The following RBFOX3 variants were observed in gnomAD, a reference collection of about 807,000 sequenced individuals.
RBFOX3 encodes the protein RNA binding protein fox-1 homolog 3.
Under a neutral mutation model 48.7 loss-of-function variants are expected in RBFOX3, and 17 were observed. That is an observed-to-expected ratio of 0.35 (90% CI 0.24 to 0.52). The LOEUF (loss-of-function observed/expected upper bound fraction) is 0.52, where lower values mean the gene tolerates loss of function less well. Ranked by LOEUF, RBFOX3 falls within the 20% of genes least tolerant of loss-of-function variation. RBFOX3 has a pLI of 0.94. For missense variants in RBFOX3, 382 were observed against 497.5 expected (o/e 0.77, Z 2.21); for synonymous variants, 212 against 209.5 (o/e 1.01, Z -0.10).
chr17:79,287,039 C>T (rs547902405), intron 3 of RBFOX3, among the ~76,000 whole-genome samples: 19 of 152,376 alleles, frequency 1.2e-4, no homozygotes, highest in African/African-American at 4.6e-4. Context: ...TCACAGCGGC[C>T]CTGACGCAGC....
intron 2 of RBFOX3, among the ~76,000 whole-genome samples, chr17:79,379,884 A>T (rs2059675046): frequency 6.6e-6 from 1 of 152,068 alleles, no homozygotes; most frequent in Admixed American, 6.5e-5. Flanking sequence ...AGCGGCTCTC[A>T]GGCCCGCACG....
chr17:79,223,807 C>A (rs111242762), intron 4 of RBFOX3, among the ~76,000 whole-genome samples: 3 of 152,314 alleles, frequency 2.0e-5, no homozygotes, highest in Admixed American at 6.5e-5. Flanking sequence ...GTGCGCCCCC[C>A]CTACAGCACA....
chr17:79,094,043 G>A (rs1469144862), intron 14 of RBFOX3, among the ~76,000 whole-genome samples: 2 of 151,988 alleles, frequency 1.3e-5, no homozygotes, highest in Non-Finnish European at 2.9e-5. Flanking sequence ...GTGGGTATGC[G>A]GTGTGGGCAG....
chr17:79,253,295 G>T (rs568277249), intron 3 of RBFOX3, among the ~76,000 whole-genome samples: 9 of 152,042 alleles, frequency 5.9e-5, no homozygotes, highest in Non-Finnish European at 1.2e-4. Context: ...GGGAGGACTC[G>T]AATTAATTTA....
chr17:79,158,815 C>A (rs2046355429), intron 4 of RBFOX3, among the ~76,000 whole-genome samples: 1 of 152,186 alleles, frequency 6.6e-6, no homozygotes, highest in African/African-American at 2.4e-5. Flanking sequence ...TGGAAAGGGA[C>A]CTGGCTCAGC....
intron 2 of RBFOX3, among the ~76,000 whole-genome samples, chr17:79,428,432 C>T (rs1303772581): frequency 6.6e-6 from 1 of 152,246 alleles, no homozygotes; most frequent in African/African-American, 2.4e-5. Context: ...CAGGGCAGAG[C>T]CAGCTCCACT....
rs1405735063 is a variant in RBFOX3, at chr17:79,199,959, A to G, written c.-34+35807T>C. 1.3e-5 allele frequency among the ~76,000 whole-genome samples: 2 copies of G among 152,098 alleles called. No individual in the cohort carries two copies. Among genetic ancestry groups the G allele is most frequent in the Non-Finnish European group, 2.9e-5 (2 of 68,000 alleles). Reference sequence around the variant, plus strand: ...GTGGATCACCTGAAGTCAGGAGTTCAAGACCAGCCTGGCCAACATGGTGAA... The same window carrying G: ...GTGGATCACCTGAAGTCAGGAGTTCGAGACCAGCCTGGCCAACATGGTGAA... On this transcript the variant is annotated intron_variant, in intron 4 of 14. Transcript: ENST00000693108. This position sits in a 1 kb window ranked among gnomAD's most constrained non-coding sequence, Gnocchi z 5.1.
intron 1 of RBFOX3, among the ~76,000 whole-genome samples, chr17:79,551,919 T>C (rs36184200): frequency 6.6e-6 from 1 of 152,144 alleles, no homozygotes; most frequent in African/African-American, 2.4e-5. Flanking sequence ...CGAGTATTCC[T>C]TTAGAGCAAT....
At chr17:79,608,481 G>T (rs1472381858) in intron 1 of RBFOX3, among the ~76,000 whole-genome samples, 1 of 152,148 alleles carries the variant, frequency 6.6e-6, no homozygotes, top group Non-Finnish European at 1.5e-5. Context: ...TCTTTGGGGG[G>T]AGGAGGGTGG....
At chr17:79,514,125 CAG>C (rs1418074233) in intron 1 of RBFOX3, among the ~76,000 whole-genome samples, 7 of 152,144 alleles carry the variant, frequency 4.6e-5, no homozygotes, top group Non-Finnish European at 1.0e-4. Flanking sequence ...TTGCCTATGA[CAG>C]CCTCCTACCA....
intron 2 of RBFOX3, among the ~76,000 whole-genome samples, chr17:79,395,871 AGG>A (rs1423257773): frequency 6.6e-6 from 1 of 152,200 alleles, no homozygotes; most frequent in Non-Finnish European, 1.5e-5. Context: ...ATCCTGCAGA[AGG>A]GGTAGACCCT....
chr17:79,122,243 T>C (rs1042446676), intron 4 of RBFOX3, among the ~76,000 whole-genome samples: 2 of 152,154 alleles, frequency 1.3e-5, no homozygotes, highest in African/African-American at 4.8e-5. Flanking sequence ...ATCTCCTGTC[T>C]GGTCCTCCTA....
intron 3 of RBFOX3, among the ~76,000 whole-genome samples, chr17:79,301,905 C>T (rs892798720): frequency 7.2e-5 from 11 of 152,128 alleles, no homozygotes; most frequent in African/African-American, 1.7e-4. Context: ...TAGAGTCATC[C>T]GATTCACAGA....
At chr17:79,526,009 C>T (rs2086748034) in intron 1 of RBFOX3, among the ~76,000 whole-genome samples, 1 of 152,216 alleles carries the variant, frequency 6.6e-6, no homozygotes, top group South Asian at 2.1e-4. Context: ...GGTTTGCCTC[C>T]AGGCTGCTTC....
chr17:79,131,493 C>T (rs1180987565), intron 4 of RBFOX3, among the ~76,000 whole-genome samples: 1 of 152,244 alleles, frequency 6.6e-6, no homozygotes, highest in Non-Finnish European at 1.5e-5. Flanking sequence ...CCGCAGGAGC[C>T]TCAGGCCTTC....
At chr17:79,257,544 C>T (rs1347560710) in intron 3 of RBFOX3, among the ~76,000 whole-genome samples, 1 of 152,184 alleles carries the variant, frequency 6.6e-6, no homozygotes, top group African/African-American at 2.4e-5. Flanking sequence ...CCCATGGGGC[C>T]AGGAAAAGAC....
rs1050231480 is a variant in RBFOX3, at chr17:79,098,099, C to G, written c.569-354G>C. On this transcript the variant is annotated intron_variant, in intron 9 of 14. Coordinates refer to ENST00000693108, the MANE Select transcript of RBFOX3 (RefSeq NM_001350451.2). ...GGAAAGTGGAACTTGTTATCTACCC[C>G]CCTGAGCACAGCTGGGATGAGGGTT... 1.8e-5 allele frequency: 5 copies of G among 271,946 alleles called. No individual in the cohort carries two copies. In the Admixed American group the frequency reaches 2.2e-4, roughly 12 times the overall value. 16.8% of individuals were successfully genotyped at this position (271,946 alleles called of 1,614,324 possible).
At chr17:79,590,579 G>A (rs1267891927) in intron 1 of RBFOX3, among the ~76,000 whole-genome samples, 3 of 152,168 alleles carry the variant, frequency 2.0e-5, no homozygotes, top group African/African-American at 2.4e-5. Context: ...GGGCTGGGAT[G>A]AGGTCTAGGG....
rs1350185412 is a variant in RBFOX3 at position 79,362,892 on chromosome 17, C to T, written c.-174-55068G>A. ...CATTCTCGGACACTTCGAGGCCACA[C>T]AGGTGTGAGAGGTCCCACTCCCCAA... On this transcript the variant is annotated intron_variant, in intron 2 of 14. Coordinates refer to ENST00000693108, the MANE Select transcript of RBFOX3 (RefSeq NM_001350451.2). The surrounding 1 kb of genome is among the most constrained non-coding windows in gnomAD (Gnocchi z 4.2). Among the ~76,000 whole-genome samples the T allele has an allele frequency of 6.6e-6, 1 of 152,172 alleles. No homozygotes were observed. Among genetic ancestry groups the T allele is most frequent in the African/African-American group, 2.4e-5 (1 of 41,440 alleles).
Sources: gnomAD v4.1 joint callset for allele counts (sites outside exome capture counted in the v4.1 genomes callset) on GRCh38, gnomAD v4.1.1 for gene constraint, Gnocchi (gnomAD v3.1) non-coding constraint, MANE v1.5 for transcripts, NCBI Gene and HGNC (gene_info 2026-07-23, HGNC 2026-07-21) for gene names.